The following METTL15 variants were observed in gnomAD, a reference collection of about 807,000 sequenced individuals.
METTL15 encodes methyltransferase 15, mitochondrial 12S rRNA N4-cytidine, also known as 12S rRNA N(4)-cytidine methyltransferase METTL15.
A neutral mutation model predicts 38.3 loss-of-function variants in METTL15; 34 were observed. The observed-to-expected ratio is 0.89, with a 90% CI of 0.68 to 1.18. METTL15 has a LOEUF of 1.18. METTL15 is among the 50% of genes most tolerant of loss of function. METTL15 has a pLI of 0.00. For synonymous variants in METTL15, 162 were observed against 170.9 expected (o/e 0.95, Z 0.41); for missense variants, 438 against 498.4 (o/e 0.88, Z 1.15).
At chr11:28,297,465 TA>T (rs1856782531) in intron 6 of METTL15, among the ~76,000 whole-genome samples, 2 of 152,074 alleles carry the variant, frequency 1.3e-5, no homozygotes, top group East Asian at 1.9e-4. Flanking sequence ...GTATATGATG[TA>T]TAGGTTATTC....
At chr11:28,504,042 C>A (rs1441307833) in intron 6 of METTL15, among the ~76,000 whole-genome samples, 1 of 147,950 alleles carries the variant, frequency 6.8e-6, no homozygotes, top group African/African-American at 2.5e-5. Context: ...CTAAAAAATA[C>A]AAAAAATTAG....
At position 28,207,809 on chromosome 11, in the gene METTL15, G is replaced by C. The variant is rs564080675; in HGVS notation, c.271-3253G>C. Among the ~76,000 whole-genome samples the C allele has an allele frequency of 1.7e-4, 26 of 152,252 alleles. No individual in the cohort carries two copies. In the South Asian group the frequency reaches 5.4e-3, roughly 32 times the overall value. On this transcript the variant is annotated intron_variant, in intron 3 of 6. Coordinates refer to ENST00000407364, the MANE Select transcript of METTL15 (RefSeq NM_001113528.2). ...AGATCCTGTTATTGGTCTTTTCAGA[G>C]ATTCAACTTCTTCCTGGTTTAGTCT...
intron 4 of METTL15, among the ~76,000 whole-genome samples, chr11:28,357,269 T>C (rs1027763796): frequency 1.1e-4 from 17 of 152,252 alleles, no homozygotes; most frequent in African/African-American, 3.4e-4. Flanking sequence ...AGTTTTCTCC[T>C]TAATAAATGG....
chr11:28,346,351 A>G (rs1046410889), intron 3 of METTL15, among the ~76,000 whole-genome samples: 1 of 152,152 alleles, frequency 6.6e-6, no homozygotes, highest in Non-Finnish European at 1.5e-5. Context: ...TGTAAATAAG[A>G]TTTTTTTAAA....
chr11:28,352,700 C>G (rs1259269392), intron 4 of METTL15, among the ~76,000 whole-genome samples: 1 of 152,114 alleles, frequency 6.6e-6, no homozygotes, highest in African/African-American at 2.4e-5. Context: ...CTCCCTTTCC[C>G]TCTCCCCAAT....
At chr11:28,369,811 C>T (rs1442777417) in intron 5 of METTL15, among the ~76,000 whole-genome samples, 3 of 152,094 alleles carry the variant, frequency 2.0e-5, no homozygotes, top group Non-Finnish European at 2.9e-5. Flanking sequence ...AAGAAAAAGA[C>T]ATCAGACAGC....
At chr11:28,530,824 CA>C (rs946779450), downstream of METTL15, among the ~76,000 whole-genome samples, 70 of 151,964 alleles carry the variant, frequency 4.6e-4, no homozygotes, top group African/African-American at 1.6e-3. Flanking sequence ...TTATTTCTAG[CA>C]AAAATTGTTT....
At chr11:28,163,806 G>A (rs561056537) in intron 3 of METTL15, 2 of 184,198 alleles carry the variant, frequency 1.1e-5, no homozygotes, top group East Asian at 2.5e-4. Context: ...GATCATTAAA[G>A]TAGGAACCTC....
chr11:28,474,434 G>A (rs1851328199), intron 6 of METTL15, among the ~76,000 whole-genome samples: 1 of 152,028 alleles, frequency 6.6e-6, no homozygotes, highest in Admixed American at 6.6e-5. Context: ...TGCTATAGAA[G>A]TAAATATATA....
chr11:28,236,233 A>G (rs940965786), intron 4 of METTL15, among the ~76,000 whole-genome samples: 2 of 152,128 alleles, frequency 1.3e-5, no homozygotes, highest in Non-Finnish European at 2.9e-5. Context: ...GGATTTTTGC[A>G]TCAATGTTCA....
intron 6 of METTL15, among the ~76,000 whole-genome samples, chr11:28,473,072 G>A (rs1851315867): frequency 6.6e-6 from 1 of 152,164 alleles, no homozygotes; most frequent in African/African-American, 2.4e-5. Flanking sequence ...GACTAAATTA[G>A]GAAAGAGCAT....
chr11:28,160,647 T>C (rs1850423886), intron 3 of METTL15, among the ~76,000 whole-genome samples: 1 of 152,204 alleles, frequency 6.6e-6, no homozygotes, highest in Non-Finnish European at 1.5e-5. Flanking sequence ...TACTTAAATT[T>C]GCCAAAGAAC....
chr11:28,151,993 G>A (rs1402048130), intron 3 of METTL15, among the ~76,000 whole-genome samples: 2 of 151,962 alleles, frequency 1.3e-5, no homozygotes, highest in Non-Finnish European at 2.9e-5. Context: ...AATAAAGAAG[G>A]TCAATTCCCA....
chr11:28,398,583 A>G (rs1850598554), intron 5 of METTL15, among the ~76,000 whole-genome samples: 1 of 152,152 alleles, frequency 6.6e-6, no homozygotes, highest in Non-Finnish European at 1.5e-5. Flanking sequence ...GCCCCTTGTC[A>G]GATGGATAGA....
chr11:28,317,556 A>T (rs184544609), intron 6 of METTL15, among the ~76,000 whole-genome samples: 72 of 152,320 alleles, frequency 4.7e-4, no homozygotes, highest in African/African-American at 1.7e-3. Context: ...CAAGCTTAAA[A>T]ATCTCAATAC....
At chr11:28,345,338 G>T (rs533933241) in intron 3 of METTL15, among the ~76,000 whole-genome samples, 1 of 152,032 alleles carries the variant, frequency 6.6e-6, no homozygotes. Context: ...ACAGGCGTGC[G>T]CCACCACGCC....
chr11:28,320,181 GTTTTT>G (rs34152619), intron 6 of METTL15, among the ~76,000 whole-genome samples: 1 of 111,952 alleles, frequency 8.9e-6, no homozygotes. Flanking sequence ...TAAATAAATA[GTTTTT>G]TTTTTTTTTT....
At position 28,331,505 on chromosome 11, in the gene METTL15, T is replaced by C. The variant is rs771365299; in HGVS notation, c.*664T>C. ...ACAGAGAATTGTTTCACAAAACTTA[T>C]ATTTCATGTCAATTGTATTTATTTT... On this transcript the variant is annotated 3_prime_UTR_variant, in exon 7 of 7. Coordinates refer to ENST00000407364, the MANE Select transcript of METTL15 (RefSeq NM_001113528.2). 9 of 152,216 alleles carry C rather than the reference T, an allele frequency of 5.9e-5. No homozygotes were observed. The highest frequency in any genetic ancestry group is 2.0e-4 in the Admixed American group (3 of 15,288). 9.4% of individuals were successfully genotyped at this position (152,216 alleles called of 1,614,324 possible).
At position 28,120,078 on chromosome 11, in the gene METTL15, A is replaced by C. The variant is rs1039949716; in HGVS notation, c.270+6474A>C. Among the ~76,000 whole-genome samples, 7 of 152,150 alleles carry C rather than the reference A, an allele frequency of 4.6e-5. No homozygotes were observed. The East Asian group carries it at 1.4e-3, about 29-fold the overall frequency. ...ACCATTCTCCTGCCTCAGCCTCCTG[A>C]GTAGCTGGAACTACAGGCGCCTGCC... On this transcript the variant is annotated intron_variant, in intron 3 of 6. Coordinates refer to ENST00000407364, the MANE Select transcript of METTL15 (RefSeq NM_001113528.2).
Sources: allele counts gnomAD v4.1 joint callset (sites outside exome capture counted in the v4.1 genomes callset), GRCh38; gene constraint gnomAD v4.1.1; transcripts MANE v1.5; gene names NCBI Gene and HGNC (gene_info 2026-07-23, HGNC 2026-07-21).